Variants in ADD2 observed in about 807,000 individuals in gnomAD.
ADD2 encodes beta-adducin.
Under a neutral mutation model 83.0 loss-of-function variants are expected in ADD2, and 23 were observed. That is an observed-to-expected ratio of 0.28 (90% CI 0.20 to 0.39). The LOEUF (loss-of-function observed/expected upper bound fraction) is 0.39, where lower values mean the gene tolerates loss of function less well. Among genes scored for constraint, ADD2 ranks in the 10% least tolerant of loss-of-function variants. The pLI is 1.00. For missense variants in ADD2, 758 were observed against 944.9 expected (o/e 0.80, Z 2.59); for synonymous variants, 375 against 375.4 (o/e 1.00, Z 0.01).
In ADD2 at chr2:70,707,000, G is replaced by GA. The variant is rs1215583423; in HGVS notation, c.-34-559dup. 6.6e-6 allele frequency among the ~76,000 whole-genome samples: 1 copy of GA among 151,164 alleles called. No homozygotes were observed. The highest frequency in any genetic ancestry group is 6.6e-5 in the Admixed American group (1 of 15,190). On this transcript the variant is annotated intron_variant, in intron 2 of 15. Coordinates refer to ENST00000264436, the MANE Select transcript of ADD2 (RefSeq NM_001617.4). This position sits in a 1 kb window ranked among gnomAD's most constrained non-coding sequence, Gnocchi z 5.0. ...TGCACACGTATCACAGAACTAAAAA[G>GA]AAAAAAAAATTATGGTGGGAAATTC...
chr2:70,675,002 C>T (rs1670062630), intron 13 of ADD2, 177 bp from the exon 14 acceptor site: 4 of 1,338,626 alleles, frequency 3.0e-6, no homozygotes, highest in Non-Finnish European at 3.9e-6. Context: ...CTCCCCATTG[C>T]TACCTTACCC....
chr2:70,720,927 G>A (rs1041582104), intron 1 of ADD2, among the ~76,000 whole-genome samples: 7 of 152,166 alleles, frequency 4.6e-5, no homozygotes, highest in Non-Finnish European at 7.3e-5. Flanking sequence ...GGAGGCAGAG[G>A]ATTCAGTGGA....
At chr2:70,759,419 C>T (rs2104555126) in intron 1 of ADD2, among the ~76,000 whole-genome samples, 2 of 152,274 alleles carry the variant, frequency 1.3e-5, no homozygotes, top group South Asian at 4.2e-4. Flanking sequence ...CTGGGAGCTC[C>T]CTCAGCACAT....
chr2:70,683,895 C>A, intron 9 of ADD2, 128 bp from the exon 10 acceptor site: 7 of 1,021,816 alleles, frequency 6.9e-6, no homozygotes, highest in Non-Finnish European at 8.1e-6. Flanking sequence ...GAGAAAGAGC[C>A]ACCCATACTT....
chr2:70,747,562 C>G (rs1433439344), intron 1 of ADD2, among the ~76,000 whole-genome samples: 2 of 151,786 alleles, frequency 1.3e-5, no homozygotes, highest in Non-Finnish European at 2.9e-5. Flanking sequence ...GCCACAGGCT[C>G]TATCATGCCA....
intron 4 of ADD2, among the ~76,000 whole-genome samples, chr2:70,701,171 C>G (rs2104364926): frequency 6.6e-6 from 1 of 151,962 alleles, no homozygotes; most frequent in Non-Finnish European, 1.5e-5. Flanking sequence ...TCTGGAAAAT[C>G]AAATCCAGAA....
intron 1 of ADD2, among the ~76,000 whole-genome samples, chr2:70,757,947 CT>C (rs1252454461): frequency 6.6e-6 from 1 of 152,120 alleles, no homozygotes; most frequent in Non-Finnish European, 1.5e-5. Context: ...TTGATTTTCC[CT>C]TCAATAAAAT....
intron 15 of ADD2, among the ~76,000 whole-genome samples, chr2:70,669,434 C>T (rs782497807): frequency 7.9e-5 from 12 of 152,134 alleles, no homozygotes; most frequent in South Asian, 4.1e-4. Flanking sequence ...ATGCTTTATC[C>T]GACGTTTACT....
rs782533730 is a variant in ADD2 at position 70,688,139 on chromosome 2, A to G, written c.850-17T>C. 45 of 1,604,080 alleles carry G rather than the reference A, an allele frequency of 2.8e-5. 4 individuals carry two copies. The highest frequency in any genetic ancestry group is 3.3e-5 in the Non-Finnish European group (39 of 1,171,648). ...CACCAGGATCTGTAGAGAAATAAAT[A>G]GTCAATTAAAACCTTAAGTCCTCTA... On this transcript the variant is annotated splice_polypyrimidine_tract_variant and intron_variant, in intron 8 of 15. Coordinates refer to ENST00000264436, the MANE Select transcript of ADD2 (RefSeq NM_001617.4).
chr2:70,706,509 G>C lies in ADD2; in HGVS notation c.-34-67C>G. On this transcript the variant is annotated intron_variant, in intron 2 of 15. Transcript: ENST00000264436. The surrounding 1 kb of genome is among the most constrained non-coding windows in gnomAD (Gnocchi z 5.0). ...CCCATCGGGGTACACGTTTCTCAGA[G>C]CACAGGGCTAGGTTCAGTTGGATTC... 7.2e-7 allele frequency: 1 copy of C among 1,392,666 alleles called. No homozygotes were observed. The highest frequency in any genetic ancestry group is 1.4e-5 in the African/African-American group (1 of 69,690). 86.3% of individuals were successfully genotyped at this position (1,392,666 alleles called of 1,614,324 possible).
At chr2:70,716,509 A>T (rs574760910) in intron 1 of ADD2, among the ~76,000 whole-genome samples, 1 of 152,208 alleles carries the variant, frequency 6.6e-6, no homozygotes, top group South Asian at 2.1e-4. Context: ...TGCCTCTTCC[A>T]TTCCACTTGC....
At chr2:70,736,825 G>A (rs1574305808) in intron 1 of ADD2, among the ~76,000 whole-genome samples, 6 of 151,316 alleles carry the variant, frequency 4.0e-5, no homozygotes, top group African/African-American at 1.5e-4. Context: ...TGAGCTTGGA[G>A]GTAAGCAGAA....
intron 1 of ADD2, among the ~76,000 whole-genome samples, chr2:70,728,112 C>T (rs1553378643): frequency 3.3e-5 from 5 of 152,112 alleles, no homozygotes. Context: ...TCCGCATTCT[C>T]CCCATGTCAT....
intron 1 of ADD2, among the ~76,000 whole-genome samples, chr2:70,736,031 C>G (rs1424094958): frequency 1.3e-5 from 2 of 152,020 alleles, no homozygotes; most frequent in African/African-American, 4.8e-5. Context: ...ATCGCAGAAG[C>G]CTGACCAGGC....
chr2:70,692,965 A>AG (rs1671126510), intron 6 of ADD2, among the ~76,000 whole-genome samples: 1 of 152,092 alleles, frequency 6.6e-6, no homozygotes, highest in South Asian at 2.1e-4. Flanking sequence ...AGACAGAGAC[A>AG]GGGGGAGTCT....
At chr2:70,670,279 A>C (rs1254438328) in intron 15 of ADD2, among the ~76,000 whole-genome samples, 6 of 152,242 alleles carry the variant, frequency 3.9e-5, no homozygotes, top group African/African-American at 1.4e-4. Context: ...TATATTCAGT[A>C]GCTCATTTTA....
chr2:70,713,269 T>A, intron 1 of ADD2, 85 bp from the exon 2 acceptor site: 1 of 525,158 alleles, frequency 1.9e-6, no homozygotes, highest in Non-Finnish European at 2.4e-6. Flanking sequence ...GGAAATTCCT[T>A]AAAATGAACT....
intron 1 of ADD2, among the ~76,000 whole-genome samples, chr2:70,742,780 T>C (rs1388524918): frequency 6.6e-6 from 1 of 152,240 alleles, no homozygotes; most frequent in Non-Finnish European, 1.5e-5. Context: ...AAGAGTTCTA[T>C]GTTCCCTGCC....
chr2:70,683,167 G>T (rs1670545852), intron 10 of ADD2, among the ~76,000 whole-genome samples: 1 of 151,868 alleles, frequency 6.6e-6, no homozygotes, highest in South Asian at 2.1e-4. Flanking sequence ...GGGACTACAG[G>T]TATGTGCCAC....
Sources: gnomAD v4.1 joint callset for allele counts (sites outside exome capture counted in the v4.1 genomes callset) on GRCh38, gnomAD v4.1.1 for gene constraint, Gnocchi (gnomAD v3.1) non-coding constraint, MANE v1.5 for transcripts, NCBI Gene and HGNC (gene_info 2026-07-23, HGNC 2026-07-21) for gene names.